The following WARS1 variants were observed in gnomAD, a reference collection of about 807,000 sequenced individuals.
WARS1 encodes the protein tryptophanyl-tRNA synthetase 1.
Under a neutral mutation model 47.8 loss-of-function variants are expected in WARS1, and 17 were observed. That is an observed-to-expected ratio of 0.36 (90% CI 0.24 to 0.53). The LOEUF is 0.53. Ranked by LOEUF, WARS1 falls within the 20% of genes least tolerant of loss-of-function variation. The pLI is 0.91. For synonymous variants in WARS1, 208 were observed against 228.1 expected, an observed-to-expected ratio of 0.91 and a Z score of 0.79; for missense variants, 434 against 608.0, an observed-to-expected ratio of 0.71 and a Z score of 3.01.
chr14:100,374,781 G>A (rs1290905304), intron 1 of WARS1: 1 of 151,958 alleles, frequency 6.6e-6, no homozygotes, highest in African/African-American at 2.4e-5. Flanking sequence ...AATACCTTTG[G>A]ACTGGCAAGT....
intron 7 of WARS1, among the ~76,000 whole-genome samples, 190 bp downstream of exon 7, chr14:100,346,556 C>A (rs574904793): frequency 6.6e-6 from 1 of 152,308 alleles, no homozygotes; most frequent in Non-Finnish European, 1.5e-5. Context: ...AGAAGCTGCT[C>A]AATGCATTAC....
At chr14:100,368,691 T>A (rs1001940317) in intron 2 of WARS1, among the ~76,000 whole-genome samples, 3 of 152,224 alleles carry the variant, frequency 2.0e-5, no homozygotes, top group Non-Finnish European at 2.9e-5. Flanking sequence ...GCTGGCGTGG[T>A]GGCTCATGCT....
intron 7 of WARS1, among the ~76,000 whole-genome samples, chr14:100,345,896 C>T (rs1489030011): frequency 2.6e-5 from 4 of 152,206 alleles, no homozygotes; most frequent in African/African-American, 7.2e-5. Flanking sequence ...GCCCTGGGCA[C>T]GCGGCTGGCC....
At position 100,373,977 on chromosome 14, in the gene WARS1, T is replaced by C. The variant is rs1475355887; in HGVS notation, c.-74+1306A>G. 2.0e-5 allele frequency: 3 copies of C among 152,206 alleles called. No homozygotes were observed. Among genetic ancestry groups the C allele is most frequent in the Non-Finnish European group, 4.4e-5 (3 of 68,030 alleles). 9.4% of individuals were successfully genotyped at this position (152,206 alleles called of 1,614,324 possible). On this transcript the variant is annotated intron_variant, in intron 1 of 10. Coordinates refer to ENST00000392882, the MANE Select transcript of WARS1 (RefSeq NM_004184.4). The surrounding 1 kb of genome is among the most constrained non-coding windows in gnomAD (Gnocchi z 4.4). ...CCTGTGTAAATGTTCTTCTTCCCCC[T>C]ACCTATTGACATCCTCCTTTATTTC...
intron 6 of WARS1, 23 bp downstream of exon 6, chr14:100,353,664 G>A (rs1489899931): frequency 6.2e-7 from 1 of 1,610,060 alleles, no homozygotes; most frequent in East Asian, 2.2e-5. Context: ...TATTGAAAAG[G>A]CAGCCAGACG....
intron 5 of WARS1, 196 bp from the exon 6 acceptor site, chr14:100,354,065 T>C (rs1301911593): frequency 1.2e-5 from 7 of 584,050 alleles, no homozygotes; most frequent in Non-Finnish European, 2.1e-5. Flanking sequence ...CAGGTGGCCC[T>C]GTGTGCTCTG....
In WARS1 at chr14:100,342,382, C is replaced by A. The variant is rs1894226835; in HGVS notation, c.1113+16G>T. 1 of 1,613,144 alleles carries A rather than the reference C, an allele frequency of 6.2e-7. No individual in the cohort carries two copies. The highest frequency in any genetic ancestry group is 1.3e-5 in the African/African-American group (1 of 74,898). ...TCTGATCCCGCTGGCTGCCCTCTGCCTGGGCCACTGCTCACCTTGGTTTTG... is the reference window on the plus strand; with the variant it reads ...TCTGATCCCGCTGGCTGCCCTCTGCATGGGCCACTGCTCACCTTGGTTTTG... On this transcript the variant is annotated intron_variant, in intron 9 of 10. Transcript: ENST00000392882.
chr14:100,365,074 T>C (rs1207752732), intron 2 of WARS1, among the ~76,000 whole-genome samples: 1 of 149,928 alleles, frequency 6.7e-6, no homozygotes, highest in African/African-American at 2.5e-5. Context: ...TGAGCTAGGA[T>C]TGCACCACTG....
At chr14:100,365,105 G>A (rs1437146505) in intron 2 of WARS1, among the ~76,000 whole-genome samples, 1 of 145,182 alleles carries the variant, frequency 6.9e-6, no homozygotes, top group Admixed American at 7.0e-5. Flanking sequence ...TGGAAAGAGC[G>A]AGACCCTGTC....
chr14:100,365,579 C>CAA (rs34591719), intron 2 of WARS1: 140 of 86,644 alleles, frequency 1.6e-3, no homozygotes, highest in South Asian at 8.9e-3. Flanking sequence ...GACTCAGCCT[C>CAA]AAAAAAAAAA....
chr14:100,344,306 A>G (rs1230735462), intron 7 of WARS1, among the ~76,000 whole-genome samples: 4 of 152,108 alleles, frequency 2.6e-5, no homozygotes, highest in Non-Finnish European at 4.4e-5. Context: ...GCTGGTCTCC[A>G]GCTCCTAACC....
At chr14:100,364,426 CAGG>C (rs539219274) in intron 2 of WARS1, among the ~76,000 whole-genome samples, 24 of 152,268 alleles carry the variant, frequency 1.6e-4, no homozygotes, top group African/African-American at 5.8e-4. Context: ...AGATAAATGG[CAGG>C]AGAAGAAAGA....
At chr14:100,364,046 T>C (rs1012484194) in intron 2 of WARS1, among the ~76,000 whole-genome samples, 2 of 152,154 alleles carry the variant, frequency 1.3e-5, no homozygotes, top group African/African-American at 4.8e-5. Flanking sequence ...TGAGGGTGGC[T>C]TCTAGGTGCT....
At chr14:100,354,671 G>T in intron 4 of WARS1, 105 bp from the exon 5 acceptor site, 3 of 1,286,882 alleles carry the variant, frequency 2.3e-6, no homozygotes, top group East Asian at 2.4e-5. Context: ...GAAACAACAT[G>T]GATAATAACT....
intron 7 of WARS1, among the ~76,000 whole-genome samples, chr14:100,345,688 A>AG (rs1894564846): frequency 6.6e-6 from 1 of 151,936 alleles, no homozygotes; most frequent in Non-Finnish European, 1.5e-5. Flanking sequence ...AAAAAAAAAA[A>AG]GAAGTTATGA....
chr14:100,357,492 G>C (rs1396407712), intron 4 of WARS1, among the ~76,000 whole-genome samples: 1 of 147,944 alleles, frequency 6.8e-6, no homozygotes, highest in African/African-American at 2.5e-5. Flanking sequence ...AGGGAGTTTT[G>C]CTCTTTTTGC....
rs928103898 is a variant in WARS1 at position 100,356,399 on chromosome 14, G to C, written c.423-1833C>G. 7.3e-4 allele frequency among the ~76,000 whole-genome samples: 51 copies of C among 69,968 alleles called. 1 individual carries two copies. Among genetic ancestry groups the C allele is most frequent in the African/African-American group, 2.8e-3 (48 of 17,196 alleles). The allele number at this position is 69,968 out of a possible 152,430, so 45.9% of individuals were successfully genotyped here. On this transcript the variant is annotated intron_variant, in intron 4 of 10. Coordinates refer to ENST00000392882, the MANE Select transcript of WARS1 (RefSeq NM_004184.4). Reference sequence around the variant, plus strand: ...AGTGACTGGGTGTGTGTGTGTGTGTGGGGGGGGGTGTGGAATAAAAGAGAA... The same window carrying C: ...AGTGACTGGGTGTGTGTGTGTGTGTCGGGGGGGGTGTGGAATAAAAGAGAA...
intron 2 of WARS1, among the ~76,000 whole-genome samples, chr14:100,367,994 C>A (rs1170293602): frequency 3.3e-5 from 5 of 152,092 alleles, no homozygotes; most frequent in African/African-American, 1.2e-4. Flanking sequence ...AAACGGGGCA[C>A]CCAATCGACA....
chr14:100,352,354 G>A (rs1037248747), intron 6 of WARS1, among the ~76,000 whole-genome samples: 1 of 151,992 alleles, frequency 6.6e-6, no homozygotes, highest in African/African-American at 2.4e-5. Flanking sequence ...TCCTGACCTT[G>A]TGATCCACCC....
Sources: allele counts gnomAD v4.1 joint callset (sites outside exome capture counted in the v4.1 genomes callset), GRCh38; gene constraint gnomAD v4.1.1; non-coding constraint Gnocchi (gnomAD v3.1); transcripts MANE v1.5; gene names NCBI Gene and HGNC (gene_info 2026-07-23, HGNC 2026-07-21).